The following DNAH3 variants were observed in gnomAD, a reference collection of about 807,000 sequenced individuals.
DNAH3 encodes dynein axonemal heavy chain 3.
DNAH3 carries 332 observed loss-of-function variants against 432.5 expected under a neutral mutation model. The ratio of observed to expected loss-of-function variants is 0.77; its 90% confidence interval spans 0.70 to 0.84. The LOEUF is 0.84. Ranked by LOEUF, DNAH3 falls within the 40% of genes least tolerant of loss-of-function variation. The pLI is 0.00. For synonymous variants in DNAH3, 1,956 were observed against 1,900.2 expected (o/e 1.03, Z -0.76); for missense variants, 4,861 against 5,114.0 (o/e 0.95, Z 1.51).
intron 31 of DNAH3, among the ~76,000 whole-genome samples, chr16:21,046,338 G>T (rs2089695703): frequency 6.7e-6 from 1 of 149,886 alleles, no homozygotes; most frequent in African/African-American, 2.5e-5. Flanking sequence ...CTCAGGACTT[G>T]CTTTATGAAT....
chr16:20,998,763 A>AAAAAG (rs1567612734), intron 43 of DNAH3, among the ~76,000 whole-genome samples: 1 of 103,446 alleles, frequency 9.7e-6, no homozygotes, highest in Non-Finnish European at 1.9e-5. Context: ...AAAAAAAAAA[A>AAAAAG]GGGGGGGGCT....
intron 44 of DNAH3, among the ~76,000 whole-genome samples, chr16:20,989,706 G>A (rs931922301): frequency 1.3e-5 from 2 of 152,236 alleles, no homozygotes; most frequent in Non-Finnish European, 2.9e-5. Flanking sequence ...GGTGCTCGTC[G>A]GGGAGGCTTG....
chr16:21,101,770 G>C (rs1243259837), intron 16 of DNAH3, among the ~76,000 whole-genome samples: 4 of 152,198 alleles, frequency 2.6e-5, no homozygotes, highest in African/African-American at 9.6e-5. Context: ...CTGAGCCCCA[G>C]GGCCAGGCAG....
chr16:21,088,441 C>T (rs2091444195), intron 18 of DNAH3, among the ~76,000 whole-genome samples: 1 of 152,050 alleles, frequency 6.6e-6, no homozygotes, highest in Non-Finnish European at 1.5e-5. Flanking sequence ...ATCACTCAGG[C>T]AAAGAGGAGT....
At position 21,125,298 on chromosome 16, in the gene DNAH3, G is replaced by GT. The variant is rs2092424641; in HGVS notation, c.1280dup (p.Asn427LysfsTer3). 1 of 1,613,556 alleles carries GT rather than the reference G, an allele frequency of 6.2e-7. No homozygotes were observed. Among genetic ancestry groups the GT allele is most frequent in the Non-Finnish European group, 8.5e-7 (1 of 1,179,792 alleles). On this transcript the variant is annotated frameshift_variant, in exon 9 of 62. Coordinates refer to ENST00000261383, the Ensembl canonical transcript of DNAH3. LOFTEE classifies it high-confidence loss of function. ...CCTCAATGTTTCGACTTGAGTCATA[G>GT]TTGCTCTTGGGAGCAAAATGAATCC...
rs747540031 is a variant in DNAH3, at chr16:20,985,322, T to A, written c.7420A>T (p.Lys2474Ter). 17 of 1,614,104 alleles carry A rather than the reference T, an allele frequency of 1.1e-5. No individual in the cohort carries two copies. The highest frequency in any genetic ancestry group is 2.2e-5 in the South Asian group (2 of 91,076). The change falls in exon 48 of 62, where the codon AAG becomes TAG. Residue 2474 changes from lysine (K) to a stop codon, truncating the protein, a stop_gained. Transcript: ENST00000261383. LOFTEE classifies it high-confidence loss of function. ...ACACCGACCTGCAGTATGATCTTCT[T>A]AAGATCTTCTCGCCAGTCATTGCCT...
chr16:21,074,487 G>A (rs1233739760), intron 21 of DNAH3, among the ~76,000 whole-genome samples: 2 of 152,104 alleles, frequency 1.3e-5, no homozygotes, highest in Non-Finnish European at 2.9e-5. Flanking sequence ...GCGGAGGTGG[G>A]CAGATCACTT....
At chr16:20,973,698 T>C (rs2085448640) in intron 51 of DNAH3, among the ~76,000 whole-genome samples, 1 of 152,250 alleles carries the variant, frequency 6.6e-6, no homozygotes, top group South Asian at 2.1e-4. Flanking sequence ...GGTCAAGCCC[T>C]TACCAGGACT....
chr16:21,027,090 G>C (rs1341279053), exon 38 of DNAH3: 1 of 1,613,872 alleles, frequency 6.2e-7, no homozygotes, highest in Non-Finnish European at 8.5e-7. Flanking sequence ...GCTCATCTTG[G>C]AGTTCATCTG....
chr16:21,103,411 C>G (rs951024025), intron 16 of DNAH3, among the ~76,000 whole-genome samples: 4 of 151,502 alleles, frequency 2.6e-5, no homozygotes, highest in African/African-American at 9.7e-5. Context: ...GTACTTTCTG[C>G]TCAATTTTGC....
intron 14 of DNAH3, among the ~76,000 whole-genome samples, chr16:21,110,765 G>C (rs1260963537): frequency 6.6e-6 from 1 of 152,172 alleles, no homozygotes; most frequent in Non-Finnish European, 1.5e-5. Context: ...AACAGACTTA[G>C]GAGGTTGAGG....
At chr16:20,984,222 T>C (rs2086073246) in intron 48 of DNAH3, among the ~76,000 whole-genome samples, 1 of 151,898 alleles carries the variant, frequency 6.6e-6, no homozygotes, top group South Asian at 2.1e-4. Flanking sequence ...TGTGTGTGTG[T>C]GTATGCATGC....
intron 43 of DNAH3, among the ~76,000 whole-genome samples, chr16:20,998,772 C>G (rs1380247742): frequency 1.4e-5 from 2 of 140,282 alleles, no homozygotes; most frequent in African/African-American, 2.6e-5. Context: ...AAGGGGGGGG[C>G]TCCTTTAGTT....
chr16:21,140,846 T>A, intron 4 of DNAH3, 136 bp from the exon 6 acceptor site: 4 of 698,992 alleles, frequency 5.7e-6, no homozygotes, highest in Non-Finnish European at 9.6e-6. Flanking sequence ...TAATGGCATG[T>A]GTGTATACTT....
Position 21,069,608 on chromosome 16 carries a change from A to G in DNAH3, c.3202-14T>C, listed in dbSNP as rs370524488. On this transcript the variant is annotated splice_polypyrimidine_tract_variant and intron_variant, in intron 22 of 61. Transcript: ENST00000261383. ...TTCTTCCCATTTCTGTGAATTTAGCATTTCATATCTGGATCATTAACCTGC... is the reference window on the plus strand; with the variant it reads ...TTCTTCCCATTTCTGTGAATTTAGCGTTTCATATCTGGATCATTAACCTGC... The G allele has an allele frequency of 2.8e-5, 45 of 1,604,106 alleles. No homozygotes were observed. In the African/African-American group the frequency reaches 5.8e-4, roughly 21 times the overall value.
exon 53 of DNAH3, chr16:20,964,016 T>C (rs1596975996): frequency 6.2e-7 from 1 of 1,613,938 alleles, no homozygotes; most frequent in Admixed American, 1.7e-5. Context: ...CCCATCCGAG[T>C]CTCGTCAATC....
At chr16:21,144,036 C>T (rs1474811515) in intron 3 of DNAH3, among the ~76,000 whole-genome samples, 1 of 152,146 alleles carries the variant, frequency 6.6e-6, no homozygotes, top group South Asian at 2.1e-4. Context: ...GAGAGCAGAT[C>T]AAGAGTGCCA....
intron 34 of DNAH3, 94 bp downstream of exon 34, chr16:21,037,667 G>A (rs2089238085): frequency 9.5e-7 from 1 of 1,056,554 alleles, no homozygotes. Flanking sequence ...AAGAATGGAA[G>A]ATGGAAGAGG....
chr16:21,154,701 A>G (rs1597506794), intron 1 of DNAH3, among the ~76,000 whole-genome samples: 1 of 152,234 alleles, frequency 6.6e-6, no homozygotes. Context: ...TAACCTGCCC[A>G]TAGTCACACA....
Sources: gnomAD v4.1 joint callset for allele counts (sites outside exome capture counted in the v4.1 genomes callset) on GRCh38, gnomAD v4.1.1 for gene constraint, MANE v1.5 for transcripts, NCBI Gene and HGNC (gene_info 2026-07-23, HGNC 2026-07-21) for gene names.